Variants in MAPKAPK5 observed in about 807,000 individuals in gnomAD.
The protein encoded by MAPKAPK5 is MAPK activated protein kinase 5.
Under a neutral mutation model 65.1 loss-of-function variants are expected in MAPKAPK5, and 30 were observed. The ratio of observed to expected loss-of-function variants is 0.46; its 90% CI spans 0.34 to 0.63. The LOEUF (loss-of-function observed/expected upper bound fraction) is 0.63, where lower values mean the gene tolerates loss of function less well. MAPKAPK5 is among the 20% of genes least tolerant of loss of function. The pLI is 0.01. For missense variants in MAPKAPK5, 433 were observed against 581.4 expected (o/e 0.74, Z 2.63); for synonymous variants, 179 against 204.6 (o/e 0.87, Z 1.07).
rs1486646501 is a variant in MAPKAPK5 at position 111,859,642 on chromosome 12, CTTTGCTTTTCT to C, written c.37-5604_37-5594del. 3.5e-4 allele frequency among the ~76,000 whole-genome samples: 50 copies of C among 142,088 alleles called. 1 individual carries two copies. Among genetic ancestry groups the C allele is most frequent in the African/African-American group, 1.3e-3 (48 of 37,270 alleles). The allele number at this position is 142,088 out of a possible 152,430, so 93.2% of individuals were successfully genotyped here. On this transcript the variant is annotated intron_variant, in intron 1 of 13. Coordinates refer to ENST00000550735, the MANE Select transcript of MAPKAPK5 (RefSeq NM_003668.4). Reference sequence around the variant, plus strand: ...AGCACTTCTTTTTTTCTTTTCTTTTCTTTGCTTTTCTTTTTTTTTTTTTTGAGACTGAGTTT... The same window carrying C: ...AGCACTTCTTTTTTTCTTTTCTTTTCTTTTTTTTTTTTTGAGACTGAGTTT...
chr12:111,893,092 T>C lies in MAPKAPK5; in HGVS notation c.*31T>C. 9 of 1,439,578 alleles carry C rather than the reference T, an allele frequency of 6.3e-6. No individual in the cohort carries two copies. Among genetic ancestry groups the C allele is most frequent in the Non-Finnish European group, 8.4e-6 (9 of 1,065,896 alleles). 89.2% of individuals were successfully genotyped at this position (1,439,578 alleles called of 1,614,324 possible). On this transcript the variant is annotated 3_prime_UTR_variant, in exon 14 of 14. Coordinates refer to ENST00000550735, the MANE Select transcript of MAPKAPK5 (RefSeq NM_003668.4). Reference sequence around the variant, plus strand: ...GCTTCAGACTTTGTTTTTTTAACAATTTGAAAAATTATTCTTTAATGTATA... The same window carrying C: ...GCTTCAGACTTTGTTTTTTTAACAACTTGAAAAATTATTCTTTAATGTATA...
chr12:111,859,529 G>A (rs1284014488), intron 1 of MAPKAPK5, among the ~76,000 whole-genome samples: 1 of 152,176 alleles, frequency 6.6e-6, no homozygotes, highest in Non-Finnish European at 1.5e-5. Context: ...CCTCCCAAGT[G>A]CTGGGATTAT....
At chr12:111,881,402 CCTTTT>C (rs1219434779) in intron 8 of MAPKAPK5, among the ~76,000 whole-genome samples, 1 of 116,698 alleles carries the variant, frequency 8.6e-6, no homozygotes, top group African/African-American at 3.3e-5. Flanking sequence ...CCTGTCTGTT[CCTTTT>C]TTTTTTTTTT....
At chr12:111,846,500 CTT>C (rs200305971) in intron 1 of MAPKAPK5, among the ~76,000 whole-genome samples, 16 of 107,056 alleles carry the variant, frequency 1.5e-4, no homozygotes, top group Admixed American at 2.6e-4. Flanking sequence ...GTTTCTTTTT[CTT>C]TTTTTTTTTT....
chr12:111,867,251 G>C (rs554812739), intron 3 of MAPKAPK5, among the ~76,000 whole-genome samples: 1 of 152,156 alleles, frequency 6.6e-6, no homozygotes, highest in East Asian at 1.9e-4. Context: ...AAACTATCTG[G>C]ATATGGTAAT....
Position 111,896,731 on chromosome 12 carries a change from C to T in MAPKAPK5, c.*3670C>T, listed in dbSNP as rs1439524965. On this transcript the variant is annotated 3_prime_UTR_variant, in exon 14 of 14. Coordinates refer to ENST00000550735, the MANE Select transcript of MAPKAPK5 (RefSeq NM_003668.4). ...TACTGGTCAATCAGATACTTTTAGA[C>T]TTTACCACAGTTATAAAAGTCAGCT... The T allele has an allele frequency of 6.6e-6, 1 of 152,176 alleles. No individual in the cohort carries two copies. The highest frequency in any genetic ancestry group is 1.5e-5 in the Non-Finnish European group (1 of 68,034). The allele number at this position is 152,176 out of a possible 1,614,324, so 9.4% of individuals were successfully genotyped here. A position where few individuals can be genotyped will look rare whatever the true frequency, so the allele number is the denominator to read the frequency against.
chr12:111,883,916 A>G lies in MAPKAPK5; in HGVS notation c.848+148A>G. On this transcript the variant is annotated intron_variant, in intron 9 of 13. Coordinates refer to ENST00000550735, the MANE Select transcript of MAPKAPK5 (RefSeq NM_003668.4). This position sits in a 1 kb window ranked among gnomAD's most constrained non-coding sequence, Gnocchi z 4.8. ...AGAAATCTCTCTGGAGCCTGAGGTG[A>G]CTGTTCTCAGTGTCCACACCTTGGT... 1.2e-6 allele frequency: 1 copy of G among 806,248 alleles called. No individual in the cohort carries two copies. Among genetic ancestry groups the G allele is most frequent in the Non-Finnish European group, 1.9e-6 (1 of 522,904 alleles). 49.9% of individuals were successfully genotyped at this position (806,248 alleles called of 1,614,324 possible). A position where few individuals can be genotyped will look rare whatever the true frequency, so the allele number is the denominator to read the frequency against.
Position 111,888,613 on chromosome 12 carries a change from A to G in MAPKAPK5, c.1095A>G (p.Leu365=), listed in dbSNP as rs781482867. ...ACCCCATTCTGCGGAAGAGGAAGTT[A>G]CTTGGGTAACTGAGCTTATTTCTTC... ...VNNPILRKRK[L]LGTKPKDSVY... The change falls in exon 11 of 14, where the codon TTA becomes TTG. Residue 365 remains leucine, a synonymous_variant. Coordinates refer to ENST00000550735, the MANE Select transcript of MAPKAPK5 (RefSeq NM_003668.4). 6.2e-7 allele frequency: 1 copy of G among 1,613,738 alleles called. No homozygotes were observed. The highest frequency in any genetic ancestry group is 1.3e-5 in the African/African-American group (1 of 75,048).
At position 111,865,326 on chromosome 12, in the gene MAPKAPK5, A is replaced by G; in HGVS notation, c.110+3A>G. ...GCTGGAATTAGTGGTCCAGTTAGGT[A>G]AGAGATCCATATGAGAAACTATGGC... On this transcript the variant is annotated splice_donor_region_variant and intron_variant, in intron 2 of 13. Coordinates refer to ENST00000550735, the MANE Select transcript of MAPKAPK5 (RefSeq NM_003668.4). 6.3e-7 allele frequency: 1 copy of G among 1,583,562 alleles called. No individual in the cohort carries two copies. The highest frequency in any genetic ancestry group is 1.2e-5 in the South Asian group (1 of 86,626).
chr12:111,863,597 T>C (rs1032777726), intron 1 of MAPKAPK5, among the ~76,000 whole-genome samples: 7 of 151,372 alleles, frequency 4.6e-5, no homozygotes, highest in East Asian at 4.2e-4. Flanking sequence ...GAAAGTCTTA[T>C]GGATTTTGAT....
At chr12:111,853,615 A>C (rs144443199) in intron 1 of MAPKAPK5, among the ~76,000 whole-genome samples, 2,444 of 151,994 alleles carry the variant, frequency 0.016, 59 homozygotes, top group African/African-American at 0.056. Flanking sequence ...GCTTACTGCA[A>C]CCTCCGCCTC....
At chr12:111,884,359 C>T (rs534052257) in intron 9 of MAPKAPK5, among the ~76,000 whole-genome samples, 5 of 152,238 alleles carry the variant, frequency 3.3e-5, no homozygotes, top group South Asian at 4.2e-4. Context: ...TACAGGAGCC[C>T]GCTAACACGC....
intron 7 of MAPKAPK5, among the ~76,000 whole-genome samples, chr12:111,875,756 G>A (rs1449140730): frequency 3.3e-5 from 5 of 152,032 alleles, no homozygotes. Context: ...TAAAAACCTC[G>A]CTGAATTCTT....
At chr12:111,857,123 C>T (rs1311634548) in intron 1 of MAPKAPK5, among the ~76,000 whole-genome samples, 1 of 151,988 alleles carries the variant, frequency 6.6e-6, no homozygotes. Flanking sequence ...TCATGTATAT[C>T]TTTATATGTT....
At chr12:111,879,336 A>G (rs2070107907) in intron 7 of MAPKAPK5, 1 of 147,272 alleles carries the variant, frequency 6.8e-6, no homozygotes, top group East Asian at 2.0e-4. Context: ...AAAGCTCTAT[A>G]TGGTGGTCGT....
At chr12:111,881,862 G>C (rs759570746) in intron 8 of MAPKAPK5, among the ~76,000 whole-genome samples, 1 of 152,162 alleles carries the variant, frequency 6.6e-6, no homozygotes, top group Non-Finnish European at 1.5e-5. Context: ...CAGTAGGCTG[G>C]GACACTTGCT....
rs1287769847 is a variant in MAPKAPK5, at chr12:111,899,030, A to AGTT, written c.*5974_*5976dup. 2.0e-5 allele frequency: 3 copies of AGTT among 152,244 alleles called. No homozygotes were observed. The highest frequency in any genetic ancestry group is 7.2e-5 in the African/African-American group (3 of 41,458). The allele number at this position is 152,244 out of a possible 1,614,324, so 9.4% of individuals were successfully genotyped here. A position where few individuals can be genotyped will look rare whatever the true frequency, so the allele number is the denominator to read the frequency against. ...AAGGAATATAACTAAGGAAGATTAAAGTTGTTGCTGTTGGAAGGAAGACAT... is the reference window on the plus strand; with the variant it reads ...AAGGAATATAACTAAGGAAGATTAAAGTTGTTGTTGCTGTTGGAAGGAAGACAT... On this transcript the variant is annotated 3_prime_UTR_variant, in exon 14 of 14. Transcript: ENST00000550735.
chr12:111,848,707 G>A (rs1011816778), intron 1 of MAPKAPK5, among the ~76,000 whole-genome samples: 10 of 151,772 alleles, frequency 6.6e-5, no homozygotes, highest in Non-Finnish European at 1.5e-4. Context: ...CACTGTGCTC[G>A]GCCTCTTTTT....
rs1214169997 is a variant in MAPKAPK5, at chr12:111,890,125, G to T, written c.1302G>T (p.Leu434=). 1.9e-6 allele frequency: 3 copies of T among 1,594,296 alleles called. No homozygotes were observed. Among genetic ancestry groups the T allele is most frequent in the Middle Eastern group, 1.7e-4 (1 of 6,044 alleles). ...NRECKLLRDT[L]QSFSWNGRGF... ...AATGCAAACTCCTAAGAGATACTCT[G>T]CAGAGCTTCAGCTGGAATGGTAGGA... Residue 434 remains leucine (L), a synonymous_variant, in exon 13 of 14, where the codon CTG becomes CTT. Coordinates refer to ENST00000550735, the MANE Select transcript of MAPKAPK5 (RefSeq NM_003668.4).
Sources: gnomAD v4.1 joint callset for allele counts (sites outside exome capture counted in the v4.1 genomes callset) on GRCh38, gnomAD v4.1.1 for gene constraint, Gnocchi (gnomAD v3.1) non-coding constraint, MANE v1.5 for transcripts, NCBI Gene and HGNC (gene_info 2026-07-23, HGNC 2026-07-21) for gene names.